Variants in FBXO47 observed in about 807,000 individuals in gnomAD.
FBXO47 encodes F-box only protein 47.
A neutral mutation model predicts 53.9 loss-of-function variants in FBXO47; 34 were observed. The observed-to-expected ratio is 0.63, with a 90% CI of 0.48 to 0.84. The LOEUF is 0.84. FBXO47 is among the 40% of genes least tolerant of loss of function. The probability of loss-of-function intolerance (pLI) is 0.00; values close to 1 mark genes in which losing one functional copy is unlikely to be tolerated. For synonymous variants in FBXO47, 165 were observed against 181.6 expected, an observed-to-expected ratio of 0.91 and a Z score of 0.73; for missense variants, 485 against 541.3, an observed-to-expected ratio of 0.90 and a Z score of 1.03.
At position 38,938,745 on chromosome 17, in the gene FBXO47, T is replaced by C; in HGVS notation, c.1084-13A>G. 1.3e-6 allele frequency: 2 copies of C among 1,558,530 alleles called. No individual in the cohort carries two copies. The highest frequency in any genetic ancestry group is 1.8e-6 in the Non-Finnish European group (2 of 1,139,860). On this transcript the variant is annotated splice_polypyrimidine_tract_variant and intron_variant, in intron 9 of 10. Transcript: ENST00000378079. ...CTTTCTCACACACCTGATTTAGACA[T>C]ATAAAGCGCTATAAACCTTCATGTG...
At chr17:38,939,323 A>AAATATAT (rs1555559726) in intron 9 of FBXO47, among the ~76,000 whole-genome samples, 4 of 50,176 alleles carry the variant, frequency 8.0e-5, no homozygotes, top group East Asian at 5.5e-4. Flanking sequence ...AAAAAAAAAA[A>AAATATAT]ATATATATAT....
intron 6 of FBXO47, among the ~76,000 whole-genome samples, chr17:38,946,371 TATA>T (rs1904835185): frequency 1.2e-5 from 1 of 84,644 alleles, no homozygotes. Flanking sequence ...AATATATAGA[TATA>T]TATATAAATA....
At chr17:38,946,622 AT>A (rs1361332067) in intron 6 of FBXO47, among the ~76,000 whole-genome samples, 1 of 82,176 alleles carries the variant, frequency 1.2e-5, no homozygotes, top group Non-Finnish European at 2.0e-5. Context: ...AACTATATAA[AT>A]ATATATGAAT....
intron 6 of FBXO47, among the ~76,000 whole-genome samples, chr17:38,950,462 ATTT>A (rs71352328): frequency 1.6e-3 from 203 of 128,516 alleles, no homozygotes; most frequent in African/African-American, 5.4e-3. Flanking sequence ...TGCCCGCCTA[ATTT>A]TTTTTTTTTT....
At chr17:38,956,260 A>C (rs1168962647) in intron 4 of FBXO47, among the ~76,000 whole-genome samples, 1 of 152,138 alleles carries the variant, frequency 6.6e-6, no homozygotes, top group Non-Finnish European at 1.5e-5. Flanking sequence ...AAGCTGCTAT[A>C]ATAATATAGA....
intron 5 of FBXO47, among the ~76,000 whole-genome samples, chr17:38,952,929 C>T (rs1389930291): frequency 6.7e-6 from 1 of 148,848 alleles, no homozygotes; most frequent in Non-Finnish European, 1.5e-5. Flanking sequence ...GCTGGAATTA[C>T]AGGTGTGAGC....
At chr17:38,954,084 G>C (rs1905436260) in intron 5 of FBXO47, among the ~76,000 whole-genome samples, 1 of 152,076 alleles carries the variant, frequency 6.6e-6, no homozygotes, top group African/African-American at 2.4e-5. Context: ...CTTGAGGTCA[G>C]GAGTTCGAGA....
chr17:38,964,442 A>G (rs535264214), intron 1 of FBXO47, among the ~76,000 whole-genome samples: 8 of 152,220 alleles, frequency 5.3e-5, no homozygotes, highest in African/African-American at 1.9e-4. Context: ...CAAAAAATAC[A>G]AAAATTAGCC....
chr17:38,964,092 G>A (rs1018489872), intron 1 of FBXO47, among the ~76,000 whole-genome samples: 1 of 152,122 alleles, frequency 6.6e-6, no homozygotes, highest in East Asian at 1.9e-4. Context: ...ATAGGCACAA[G>A]CCACTGTGTG....
chr17:38,937,152 TA>T lies in FBXO47; in HGVS notation c.*22del. The T allele has an allele frequency of 8.7e-7, 1 of 1,146,546 alleles. No individual in the cohort carries two copies. Among genetic ancestry groups the T allele is most frequent in the South Asian group, 1.3e-5 (1 of 76,824 alleles). 71.0% of individuals were successfully genotyped at this position (1,146,546 alleles called of 1,614,324 possible). ...TAATCATTCGTTCAGTGACGTTCTC[TA>T]AAGGCAAGGCTTTCTGAGGATTTAG... is the stretch of plus-strand genomic sequence containing the variant. On this transcript the variant is annotated 3_prime_UTR_variant, in exon 11 of 11. Transcript: ENST00000378079.
chr17:38,967,391 T>G lies in FBXO47; in HGVS notation c.-189A>C, dbSNP rs1181204513. On this transcript the variant is annotated 5_prime_UTR_variant, in exon 1 of 11. Coordinates refer to ENST00000378079, the MANE Select transcript of FBXO47 (RefSeq NM_001008777.3). ...GTCACACTCCCGTAGGCTCCGGAGCTGCAGCCCTACCCACCAGGCGTCCCC... is the reference window on the plus strand; with the variant it reads ...GTCACACTCCCGTAGGCTCCGGAGCGGCAGCCCTACCCACCAGGCGTCCCC... 1.3e-5 allele frequency: 2 copies of G among 152,108 alleles called. No individual in the cohort carries two copies. The highest frequency in any genetic ancestry group is 4.8e-5 in the African/African-American group (2 of 41,434). The allele number at this position is 152,108 out of a possible 1,614,324, so 9.4% of individuals were successfully genotyped here.
chr17:38,940,281 G>A (rs1904449511), intron 9 of FBXO47, among the ~76,000 whole-genome samples: 1 of 151,930 alleles, frequency 6.6e-6, no homozygotes, highest in Non-Finnish European at 1.5e-5. Flanking sequence ...GAACTTTAAT[G>A]ATCAGAATTG....
intron 6 of FBXO47, among the ~76,000 whole-genome samples, chr17:38,946,363 TATATAG>T (rs1904832187): frequency 3.7e-5 from 3 of 80,064 alleles, no homozygotes; most frequent in African/African-American, 1.6e-4. Context: ...TATATATAAA[TATATAG>T]ATATATATAT....
At chr17:38,949,939 T>C (rs1470612331) in intron 6 of FBXO47, among the ~76,000 whole-genome samples, 1 of 152,162 alleles carries the variant, frequency 6.6e-6, no homozygotes, top group Admixed American at 6.6e-5. Flanking sequence ...ATATAATTTA[T>C]ATGCCATACA....
chr17:38,941,396 C>G (rs1000297715), intron 9 of FBXO47, among the ~76,000 whole-genome samples: 2 of 151,090 alleles, frequency 1.3e-5, no homozygotes, highest in Non-Finnish European at 2.9e-5. Flanking sequence ...TTTCGAACTC[C>G]TGACCTCAGG....
intron 7 of FBXO47, among the ~76,000 whole-genome samples, chr17:38,944,079 G>A (rs1388103572): frequency 6.6e-6 from 1 of 151,944 alleles, no homozygotes; most frequent in Non-Finnish European, 1.5e-5. Context: ...CTACTCAGGA[G>A]GCTGAGGCAC....
intron 1 of FBXO47, among the ~76,000 whole-genome samples, chr17:38,963,458 T>C (rs937433015): frequency 4.6e-5 from 7 of 152,100 alleles, no homozygotes; most frequent in Non-Finnish European, 7.4e-5. Flanking sequence ...ATTACAGGCA[T>C]GAACCACTGA....
At chr17:38,946,976 A>C (rs1904953828) in intron 6 of FBXO47, among the ~76,000 whole-genome samples, 1 of 112,222 alleles carries the variant, frequency 8.9e-6, no homozygotes. Context: ...ATATAAATAT[A>C]TGTAAATATA....
At position 38,951,633 on chromosome 17, in the gene FBXO47, G is replaced by A. The variant is rs779805456; in HGVS notation, c.564C>T (p.Cys188=). ...LECHRVYNFL[C]ELTNLCRKIQ... ...TCTTGCGGCAGAGATTAGTCAGTTC[G>A]CATAAGAAATTATAAACGCGATGGC... The change falls in exon 6 of 11, where the codon TGC becomes TGT. Residue 188 remains cysteine, a synonymous_variant. Transcript: ENST00000378079. 16 of 1,613,914 alleles carry A rather than the reference G, an allele frequency of 9.9e-6. No individual in the cohort carries two copies. The highest frequency in any genetic ancestry group is 5.0e-5 in the Admixed American group (3 of 59,964).
Sources: allele counts gnomAD v4.1 joint callset (sites outside exome capture counted in the v4.1 genomes callset), GRCh38; gene constraint gnomAD v4.1.1; transcripts MANE v1.5; gene names NCBI Gene and HGNC (gene_info 2026-07-23, HGNC 2026-07-21).